Variants in SRGAP1 observed in about 807,000 individuals in gnomAD.
The protein encoded by SRGAP1 is SLIT-ROBO Rho GTPase-activating protein 1.
SRGAP1 carries 43 observed loss-of-function variants against 121.9 expected under a neutral mutation model. The ratio of observed to expected loss-of-function variants is 0.35; its 90% CI spans 0.28 to 0.46. The LOEUF (loss-of-function observed/expected upper bound fraction) is 0.46. Among genes scored for constraint, SRGAP1 ranks in the 20% least tolerant of loss-of-function variants. The probability of loss-of-function intolerance (pLI) is 1.00; values close to 1 mark genes in which losing one functional copy is unlikely to be tolerated. For synonymous variants in SRGAP1, 447 were observed against 485.4 expected (o/e 0.92, Z 1.04); for missense variants, 1,102 against 1,350.9 (o/e 0.82, Z 2.89).
At position 64,142,822 on chromosome 12, in the gene SRGAP1, C is replaced by A. The variant is rs539440509; in HGVS notation, c.*150C>A. ...ATGTTGTCGAATGTAATGTCTGAGACTAGCTAAATTAACACGGGCATTTGT... is the reference window on the plus strand; with the variant it reads ...ATGTTGTCGAATGTAATGTCTGAGAATAGCTAAATTAACACGGGCATTTGT... On this transcript the variant is annotated 3_prime_UTR_variant, in exon 22 of 22. Transcript: ENST00000355086. The A allele has an allele frequency of 2.1e-5, 22 of 1,054,898 alleles. No homozygotes were observed. The Admixed American group carries it at 6.0e-4, about 29-fold the overall frequency. The allele number at this position is 1,054,898 out of a possible 1,614,324, so 65.3% of individuals were successfully genotyped here.
At chr12:64,030,155 T>G (rs927284532) in intron 4 of SRGAP1, among the ~76,000 whole-genome samples, 1 of 152,204 alleles carries the variant, frequency 6.6e-6, no homozygotes, top group African/African-American at 2.4e-5. Context: ...TAAAAAATTA[T>G]GAACTAATGA....
chr12:64,087,747 AAAAAAT>A (rs996804889), intron 11 of SRGAP1, among the ~76,000 whole-genome samples: 7 of 152,246 alleles, frequency 4.6e-5, no homozygotes, highest in African/African-American at 1.7e-4. Context: ...AAATAAAAAT[AAAAAAT>A]AAAAATAAAA....
intron 21 of SRGAP1, among the ~76,000 whole-genome samples, chr12:64,129,149 G>T (rs557527893): frequency 6.6e-6 from 1 of 152,084 alleles, no homozygotes; most frequent in Non-Finnish European, 1.5e-5. Context: ...ATTCTCTAGA[G>T]GGACAGAATT....
chr12:64,152,211 A>G lies in SRGAP1; in HGVS notation c.*9539A>G, dbSNP rs564203408. ...AAATGTTAACCCTCATAAGAAAGCC[A>G]AGAGAGCCACAGTTATTATCATCAT... On this transcript the variant is annotated 3_prime_UTR_variant, in exon 22 of 22. Coordinates refer to ENST00000355086, the MANE Select transcript of SRGAP1 (RefSeq NM_020762.4). The G allele has an allele frequency of 1.3e-5, 2 of 152,338 alleles. No homozygotes were observed. Among genetic ancestry groups the G allele is most frequent in the South Asian group, 4.1e-4 (2 of 4,822 alleles). 9.4% of individuals were successfully genotyped at this position (152,338 alleles called of 1,614,324 possible).
intron 14 of SRGAP1, among the ~76,000 whole-genome samples, chr12:64,096,558 C>T (rs1408013076): frequency 6.6e-6 from 1 of 151,980 alleles, no homozygotes. Flanking sequence ...AGACTAGTTG[C>T]CTAATATTTT....
intron 1 of SRGAP1, among the ~76,000 whole-genome samples, chr12:63,854,678 A>G (rs936349519): frequency 4.6e-5 from 7 of 152,352 alleles, no homozygotes; most frequent in Non-Finnish European, 4.4e-5. Flanking sequence ...TAATGTATGC[A>G]ACTATAATTT....
intron 10 of SRGAP1, among the ~76,000 whole-genome samples, chr12:64,083,107 C>CA (rs1169741488): frequency 6.6e-6 from 1 of 152,192 alleles, no homozygotes; most frequent in East Asian, 1.9e-4. Flanking sequence ...TAATAGGCTA[C>CA]ATCAAAGGAG....
chr12:64,020,297 T>C (rs2034510976), intron 4 of SRGAP1, among the ~76,000 whole-genome samples: 1 of 152,096 alleles, frequency 6.6e-6, no homozygotes, highest in African/African-American at 2.4e-5. Flanking sequence ...GATGATATGA[T>C]AGATATATAA....
chr12:63,964,841 C>G (rs2032742832), intron 1 of SRGAP1, among the ~76,000 whole-genome samples: 1 of 152,200 alleles, frequency 6.6e-6, no homozygotes, highest in African/African-American at 2.4e-5. Flanking sequence ...TATTGAGTCA[C>G]TTTTGTCCTT....
intron 1 of SRGAP1, among the ~76,000 whole-genome samples, chr12:63,908,769 T>C (rs2030349189): frequency 6.6e-6 from 1 of 152,236 alleles, no homozygotes; most frequent in Non-Finnish European, 1.5e-5. Context: ...ATTGCTGCCT[T>C]AATTTTTTTT....
At chr12:64,092,459 T>C (rs1443677698) in intron 12 of SRGAP1, among the ~76,000 whole-genome samples, 1 of 145,954 alleles carries the variant, frequency 6.9e-6, no homozygotes. Context: ...TATAAGGACA[T>C]ACATACATAT....
intron 18 of SRGAP1, among the ~76,000 whole-genome samples, chr12:64,117,610 T>C (rs1447991674): frequency 1.3e-5 from 2 of 152,192 alleles, no homozygotes; most frequent in Non-Finnish European, 2.9e-5. Flanking sequence ...TCTCCTATAT[T>C]CTCTTATTTT....
At chr12:64,110,684 A>G (rs930779119) in intron 16 of SRGAP1, among the ~76,000 whole-genome samples, 1 of 152,128 alleles carries the variant, frequency 6.6e-6, no homozygotes, top group Non-Finnish European at 1.5e-5. Flanking sequence ...CAGAATCTCC[A>G]TTTTCAAGAT....
intron 1 of SRGAP1, among the ~76,000 whole-genome samples, chr12:63,930,549 G>A: frequency 6.6e-6 from 1 of 152,100 alleles, no homozygotes; most frequent in Non-Finnish European, 1.5e-5. Context: ...CTCTATAAAT[G>A]TTAGGTGTCA....
At chr12:63,909,393 C>T (rs2030385023) in intron 1 of SRGAP1, among the ~76,000 whole-genome samples, 1 of 152,192 alleles carries the variant, frequency 6.6e-6, no homozygotes, top group South Asian at 2.1e-4. Context: ...TTGCTCTATC[C>T]CTTGACCTCC....
intron 1 of SRGAP1, among the ~76,000 whole-genome samples, chr12:63,882,129 TG>T (rs1900214827): frequency 6.6e-6 from 1 of 152,212 alleles, no homozygotes; most frequent in Admixed American, 6.5e-5. Context: ...CGATTACTTT[TG>T]CACCAACCTA....
At chr12:64,013,997 A>G (rs1270115914) in intron 3 of SRGAP1, among the ~76,000 whole-genome samples, 1 of 152,230 alleles carries the variant, frequency 6.6e-6, no homozygotes, top group Non-Finnish European at 1.5e-5. Context: ...TTTTCACTCA[A>G]GGGAGTTGCC....
intron 15 of SRGAP1, among the ~76,000 whole-genome samples, chr12:64,106,693 C>A (rs2036350044): frequency 1.3e-5 from 2 of 152,132 alleles, no homozygotes; most frequent in Non-Finnish European, 2.9e-5. Flanking sequence ...AATTTATACA[C>A]CTGTTGAATA....
chr12:64,006,640 G>A (rs1161309787), intron 3 of SRGAP1, among the ~76,000 whole-genome samples: 2 of 152,194 alleles, frequency 1.3e-5, no homozygotes, highest in Admixed American at 6.5e-5. Context: ...ACCTGATGAG[G>A]AAGCTGTTGC....
Sources: gnomAD v4.1 joint callset for allele counts (sites outside exome capture counted in the v4.1 genomes callset) on GRCh38, gnomAD v4.1.1 for gene constraint, MANE v1.5 for transcripts, NCBI Gene and HGNC (gene_info 2026-07-23, HGNC 2026-07-21) for gene names.